UBR4: variants seen among roughly 807,000 people sequenced by gnomAD.
UBR4 encodes E3 ubiquitin-protein ligase UBR4.
A neutral mutation model predicts 575.6 loss-of-function variants in UBR4; 124 were observed. The observed-to-expected ratio is 0.22, with a 90% confidence interval of 0.19 to 0.25. The LOEUF (loss-of-function observed/expected upper bound fraction) is 0.25. Ranked by LOEUF, UBR4 falls within the 10% of genes least tolerant of loss-of-function variation. The pLI, the probability that UBR4 is intolerant of heterozygous loss-of-function variation, is 1.00. For synonymous variants in UBR4, 2,455 were observed against 2,473.7 expected (o/e 0.99, Z 0.22); for missense variants, 4,818 against 6,478.8 (o/e 0.74, Z 8.80).
chr1:19,143,973 A>ATAT lies in UBR4; in HGVS notation c.8179+4_8179+6dup, dbSNP rs1571061898. On this transcript the variant is annotated splice_region_variant and intron_variant, in intron 55 of 105. Coordinates refer to ENST00000375254, the MANE Select transcript of UBR4 (RefSeq NM_020765.3). ...AGGCTTGAGCCTAAACCCAGACCTCATATTACCCATTGGAGTGTTGCTTCG... is the reference window on the plus strand; with the variant it reads ...AGGCTTGAGCCTAAACCCAGACCTCATATTATTACCCATTGGAGTGTTGCTTCG... 19 of 1,612,844 alleles carry ATAT rather than the reference A, an allele frequency of 1.2e-5. No individual in the cohort carries two copies. The highest frequency in any genetic ancestry group is 1.6e-5 in the Non-Finnish European group (19 of 1,179,034).
intron 60 of UBR4, among the ~76,000 whole-genome samples, chr1:19,133,102 A>G (rs1464472476): frequency 6.6e-6 from 1 of 152,150 alleles, no homozygotes; most frequent in Non-Finnish European, 1.5e-5. Context: ...GCCCTGACTT[A>G]TTTTATGACG....
At chr1:19,190,173 A>G (rs1164701272) in intron 11 of UBR4, among the ~76,000 whole-genome samples, 1 of 151,134 alleles carries the variant, frequency 6.6e-6, no homozygotes, top group Non-Finnish European at 1.5e-5. Flanking sequence ...ACACACCTGT[A>G]ATCCTAGCTA....
Position 19,139,427 on chromosome 1 carries a change from G to A in UBR4, c.8594-207C>T, listed in dbSNP as rs2083580516. On this transcript the variant is annotated intron_variant, in intron 58 of 105. Coordinates refer to ENST00000375254, the MANE Select transcript of UBR4 (RefSeq NM_020765.3). This position sits in a 1 kb window ranked among gnomAD's most constrained non-coding sequence, Gnocchi z 4.2. ...CTAACAGGAACAAACACTATACACG[G>A]TGCATTGCAAACAGTACTTAGACAG... Among the ~76,000 whole-genome samples the A allele has an allele frequency of 1.3e-5, 2 of 152,178 alleles. No homozygotes were observed. The highest frequency in any genetic ancestry group is 4.8e-5 in the African/African-American group (2 of 41,448).
chr1:19,206,450 C>A (rs562137731), intron 1 of UBR4, among the ~76,000 whole-genome samples: 3 of 152,094 alleles, frequency 2.0e-5, no homozygotes, highest in Non-Finnish European at 4.4e-5. Flanking sequence ...CTCAGCCTCC[C>A]GAGTAGCTGG....
In UBR4 at chr1:19,110,869, C is replaced by T. The variant is rs761335318; in HGVS notation, c.11802-37G>A. 6.3e-7 allele frequency: 1 copy of T among 1,596,632 alleles called. No homozygotes were observed. Among genetic ancestry groups the T allele is most frequent in the Non-Finnish European group, 8.6e-7 (1 of 1,167,300 alleles). Reference sequence around the variant, plus strand: ...AATAGAAATGGAGTCCTATAATTCACAATCAGGTGTGACACTCCTTTCCAC... The same window carrying T: ...AATAGAAATGGAGTCCTATAATTCATAATCAGGTGTGACACTCCTTTCCAC... On this transcript the variant is annotated intron_variant, in intron 78 of 105. Transcript: ENST00000375254. The surrounding 1 kb of genome is among the most constrained non-coding windows in gnomAD (Gnocchi z 4.5).
At chr1:19,193,665 C>T in intron 8 of UBR4, 108 bp from the exon 9 acceptor site, 1 of 1,400,814 alleles carries the variant, frequency 7.1e-7, no homozygotes, top group Non-Finnish European at 9.5e-7. Context: ...GATTTGACTA[C>T]TTAAAATAAA....
Position 19,139,227 on chromosome 1 carries a change from G to C in UBR4, c.8594-7C>G. 3 of 1,598,620 alleles carry C rather than the reference G, an allele frequency of 1.9e-6. No individual in the cohort carries two copies. Among genetic ancestry groups the C allele is most frequent in the Non-Finnish European group, 2.6e-6 (3 of 1,172,292 alleles). ...TCGTCGTCTGAGGCTGGAGCTGAGA[G>C]AGTAACGAGAGCTGTTACAGGTTAA... On this transcript the variant is annotated splice_region_variant and splice_polypyrimidine_tract_variant and intron_variant, in intron 58 of 105. Transcript: ENST00000375254. The surrounding 1 kb of genome is among the most constrained non-coding windows in gnomAD (Gnocchi z 4.2).
rs1342329341 is a variant in UBR4 at position 19,078,145 on chromosome 1, C to T, written c.15234-79G>A. 4 of 1,449,104 alleles carry T rather than the reference C, an allele frequency of 2.8e-6. No individual in the cohort carries two copies. In the African/African-American group the frequency reaches 5.6e-5, roughly 20 times the overall value. 89.8% of individuals were successfully genotyped at this position (1,449,104 alleles called of 1,614,324 possible). A position where few individuals can be genotyped will look rare whatever the true frequency, so the allele number is the denominator to read the frequency against. On this transcript the variant is annotated intron_variant, in intron 103 of 105. Coordinates refer to ENST00000375254, the MANE Select transcript of UBR4 (RefSeq NM_020765.3). ...AGGACAGAGCAAGGCATGCTGGGAGCAAGGGAAGAGTCACAGTGGTGTATG... is the reference window on the plus strand; with the variant it reads ...AGGACAGAGCAAGGCATGCTGGGAGTAAGGGAAGAGTCACAGTGGTGTATG...
rs2085534111 is a variant in UBR4 at position 19,150,561 on chromosome 1, C to T, written c.7430+16G>A. On this transcript the variant is annotated intron_variant, in intron 49 of 105. Coordinates refer to ENST00000375254, the MANE Select transcript of UBR4 (RefSeq NM_020765.3). The stretch of plus-strand genomic sequence containing the variant: ...AATATGTAAAAACTGAAGCCAACCC[C>T]TGCCAGCACTGGTACCTCTCCAGGA... The T allele has an allele frequency of 1.1e-5, 17 of 1,612,160 alleles. No individual in the cohort carries two copies. Among genetic ancestry groups the T allele is most frequent in the Non-Finnish European group, 1.4e-5 (17 of 1,179,780 alleles).
At chr1:19,162,040 G>A in intron 35 of UBR4, 143 bp from the exon 36 acceptor site, 2 of 951,230 alleles carry the variant, frequency 2.1e-6, no homozygotes, top group South Asian at 3.2e-5. Context: ...ACTGGAAATA[G>A]CTAGCTGGCT....
chr1:19,099,137 G>C (rs914652812), intron 90 of UBR4, among the ~76,000 whole-genome samples: 1 of 152,132 alleles, frequency 6.6e-6, no homozygotes, highest in African/African-American at 2.4e-5. Context: ...CTGCCTGTTT[G>C]AGCCTCCATT....
chr1:19,151,084 T>C, intron 48 of UBR4: 2 of 460,424 alleles, frequency 4.3e-6, no homozygotes, highest in South Asian at 2.5e-5. Flanking sequence ...TACCCCTCAC[T>C]CCCAGGGGTC....
chr1:19,154,851 G>C (rs2150357025), intron 44 of UBR4, 67 bp downstream of exon 44: 1 of 1,596,662 alleles, frequency 6.3e-7, no homozygotes, highest in South Asian at 1.1e-5. Context: ...ATAGCAGATA[G>C]TGGGAGTGGA....
At chr1:19,120,995 G>A (rs1046990186) in intron 68 of UBR4, among the ~76,000 whole-genome samples, 194 bp downstream of exon 68, 1 of 152,228 alleles carries the variant, frequency 6.6e-6, no homozygotes, top group Non-Finnish European at 1.5e-5. Flanking sequence ...CACTTGGTAT[G>A]AGAAGTCATG....
rs1283090399 is a variant in UBR4, at chr1:19,124,662, T to C, written c.9467A>G (p.Tyr3156Cys). Residue 3156 changes from tyrosine (Y) to cysteine (C), a missense_variant, in exon 65 of 106, where the codon TAT becomes TGT. By Grantham distance (194) the Tyr-to-Cys change is radical (BLOSUM62 -2). Coordinates refer to ENST00000375254, the MANE Select transcript of UBR4 (RefSeq NM_020765.3). ...KGHAADVFEA[Y>C]TQLLTEMVLR... ...TACCATTTCTGTTAGAAGCTGAGTA[T>C]AGGCCTCAAACACATCAGCAGCATG... 8.1e-6 allele frequency: 13 copies of C among 1,614,072 alleles called. No individual in the cohort carries two copies. Among genetic ancestry groups the C allele is most frequent in the African/African-American group, 1.3e-5 (1 of 74,922 alleles).
At chr1:19,185,020 T>G in intron 15 of UBR4, 79 bp downstream of exon 15, 2 of 1,558,354 alleles carry the variant, frequency 1.3e-6, no homozygotes, top group South Asian at 2.3e-5. Context: ...CCACAAAATG[T>G]TTGCATTCAA....
At chr1:19,144,604 A>C (rs2084583042) in intron 54 of UBR4, among the ~76,000 whole-genome samples, 182 bp downstream of exon 54, 1 of 152,238 alleles carries the variant, frequency 6.6e-6, no homozygotes, top group Non-Finnish European at 1.5e-5. Context: ...GACTGAGCCC[A>C]TCCCCTTTCC....
chr1:19,153,233 A>T lies in UBR4; in HGVS notation c.6832+68T>A. 1.3e-6 allele frequency: 2 copies of T among 1,513,752 alleles called. No individual in the cohort carries two copies. The highest frequency in any genetic ancestry group is 1.4e-5 in the African/African-American group (1 of 72,926). The allele number at this position is 1,513,752 out of a possible 1,614,324, so 93.8% of individuals were successfully genotyped here. A position where few individuals can be genotyped will look rare whatever the true frequency, so the allele number is the denominator to read the frequency against. ...TCTTCACAGATATTTTCAACAGTCT[A>T]TTCTGAGTCACTGTCTAGAAGACCA... On this transcript the variant is annotated intron_variant, in intron 46 of 105. Coordinates refer to ENST00000375254, the MANE Select transcript of UBR4 (RefSeq NM_020765.3). This position sits in a 1 kb window ranked among gnomAD's most constrained non-coding sequence, Gnocchi z 4.1.
intron 26 of UBR4, among the ~76,000 whole-genome samples, chr1:19,169,947 G>T (rs2089236298): frequency 6.6e-6 from 1 of 152,102 alleles, no homozygotes; most frequent in Non-Finnish European, 1.5e-5. Flanking sequence ...CACACATTAA[G>T]AACAGCATTC....
Sources: gnomAD v4.1 joint callset for allele counts (sites outside exome capture counted in the v4.1 genomes callset) on GRCh38, gnomAD v4.1.1 for gene constraint, Gnocchi (gnomAD v3.1) non-coding constraint, MANE v1.5 for transcripts, NCBI Gene and HGNC (gene_info 2026-07-23, HGNC 2026-07-21) for gene names.